Variants in MTHFS observed in about 807,000 individuals in gnomAD.
MTHFS encodes 5-formyltetrahydrofolate cyclo-ligase.
MTHFS carries 7 observed loss-of-function variants against 12.7 expected under a neutral mutation model. That is an observed-to-expected ratio of 0.55 (90% CI 0.31 to 1.03). The LOEUF (loss-of-function observed/expected upper bound fraction) is 1.03, where lower values mean the gene tolerates loss of function less well. MTHFS is among the 50% of genes least tolerant of loss of function. The pLI is 0.05. For synonymous variants in MTHFS, 100 were observed against 97.1 expected (o/e 1.03, Z -0.18); for missense variants, 252 against 258.1 (o/e 0.98, Z 0.16).
intron 2 of MTHFS, among the ~76,000 whole-genome samples, chr15:79,883,938 T>C (rs1015214885): frequency 2.0e-5 from 3 of 152,162 alleles, no homozygotes; most frequent in Non-Finnish European, 4.4e-5. Flanking sequence ...ACAAAATCAC[T>C]TTCACAGCAA....
Position 79,893,388 on chromosome 15 carries a change from C to T in MTHFS, c.117+3484G>A, listed in dbSNP as rs188699217. Among the ~76,000 whole-genome samples the T allele has an allele frequency of 1.6e-4, 25 of 151,656 alleles. 1 individual carries two copies. Among genetic ancestry groups the T allele is most frequent in the East Asian group, 5.8e-4 (3 of 5,152 alleles). On this transcript the variant is annotated intron_variant, in intron 1 of 2. Transcript: ENST00000258874. ...CTGCACTCCAGCCTGGGCAACAAAG[C>T]GATACTTTGTCTCAAAAAATGAAAA...
At chr15:79,896,507 A>G (rs946456474) in intron 1 of MTHFS, among the ~76,000 whole-genome samples, 3 of 152,022 alleles carry the variant, frequency 2.0e-5, no homozygotes, top group African/African-American at 7.3e-5. Flanking sequence ...CTCTACCACA[A>G]CTTTCTGTTC....
intron 2 of MTHFS, among the ~76,000 whole-genome samples, chr15:79,856,809 C>A (rs899991080): frequency 6.6e-6 from 1 of 151,962 alleles, no homozygotes; most frequent in Admixed American, 6.6e-5. Flanking sequence ...AGAAATTAGG[C>A]ATTTAGGGAA....
chr15:79,891,963 CAAAAAA>C (rs57309663), intron 1 of MTHFS, among the ~76,000 whole-genome samples: 56 of 84,262 alleles, frequency 6.6e-4, no homozygotes, highest in Admixed American at 2.2e-3. Flanking sequence ...AACTCCATCT[CAAAAAA>C]AAAAAAAAAA....
At chr15:79,845,887 A>C (rs1450659264) in intron 2 of MTHFS, among the ~76,000 whole-genome samples, 4 of 152,186 alleles carry the variant, frequency 2.6e-5, no homozygotes, top group Non-Finnish European at 4.4e-5. Flanking sequence ...GCAGAAAGAG[A>C]GTCCACTGTC....
chr15:79,858,086 A>T (rs2033844173), intron 2 of MTHFS, among the ~76,000 whole-genome samples: 1 of 152,036 alleles, frequency 6.6e-6, no homozygotes, highest in Admixed American at 6.6e-5. Context: ...AAAGAGCAGA[A>T]AAAAGTTTGA....
In MTHFS at chr15:79,845,399, T is replaced by G. The variant is rs143111680; in HGVS notation, c.423A>C (p.Lys141Asn). The change falls in exon 3 of 3, where the codon AAA becomes AAC. Residue 141 changes from lysine to asparagine, a missense_variant. Coordinates refer to ENST00000258874, the MANE Select transcript of MTHFS (RefSeq NM_006441.4). ...TGCCCCTCCCCAGTCGGTTGCCATG[T>G]TTGTCAAACCCAAGGCCTGGCATGA... Reference protein sequence around the residue: ...LIFMPGLGFDKHGNRLGRGKG... With the variant: ...LIFMPGLGFDNHGNRLGRGKG... 2 of 1,614,062 alleles carry G rather than the reference T, an allele frequency of 1.2e-6. No individual in the cohort carries two copies. The highest frequency in any genetic ancestry group is 1.7e-6 in the Non-Finnish European group (2 of 1,180,038).
At chr15:79,896,724 G>A in intron 1 of MTHFS, 148 bp downstream of exon 1, 3 of 909,960 alleles carry the variant, frequency 3.3e-6, no homozygotes, top group Non-Finnish European at 4.2e-6. Flanking sequence ...GGGCGTGCGC[G>A]CGCCGGGAGG....
chr15:79,897,028 T>A (rs780364728), upstream of MTHFS: 45 of 1,489,474 alleles, frequency 3.0e-5, no homozygotes, highest in Non-Finnish European at 3.9e-5. Flanking sequence ...CTCGGCGCCC[T>A]GGGCGCCCTC....
At chr15:79,883,509 G>C (rs779210320) in intron 2 of MTHFS, among the ~76,000 whole-genome samples, 3 of 152,092 alleles carry the variant, frequency 2.0e-5, no homozygotes, top group Non-Finnish European at 2.9e-5. Flanking sequence ...CTTCCAAAAA[G>C]AATTAATAAA....
intron 2 of MTHFS, among the ~76,000 whole-genome samples, chr15:79,860,381 T>A (rs1259913923): frequency 3.3e-5 from 5 of 149,964 alleles, no homozygotes; most frequent in Non-Finnish European, 5.9e-5. Flanking sequence ...AGAGCGAGAC[T>A]CCATCTCAAA....
In MTHFS at chr15:79,865,250, T is replaced by G. The variant is rs181038973; in HGVS notation, c.380-19808A>C. 1.1e-3 allele frequency among the ~76,000 whole-genome samples: 173 copies of G among 152,298 alleles called. 1 individual carries two copies. Among genetic ancestry groups the G allele is most frequent in the African/African-American group, 2.9e-3 (122 of 41,560 alleles). On this transcript the variant is annotated intron_variant, in intron 2 of 2. Coordinates refer to ENST00000258874, the MANE Select transcript of MTHFS (RefSeq NM_006441.4). ...ATTATTTAAATATAAGTCTTAAAAT[T>G]CAAGATAAAGACCTTAGCACAAATA...
At chr15:79,847,131 T>G (rs1209225860) in intron 2 of MTHFS, among the ~76,000 whole-genome samples, 1 of 152,204 alleles carries the variant, frequency 6.6e-6, no homozygotes, top group East Asian at 1.9e-4. Flanking sequence ...AAAACTCAAC[T>G]TGACCTGGAT....
Position 79,844,941 on chromosome 15 carries a change from T to C in MTHFS, c.*269A>G, listed in dbSNP as rs1325645959. ...TAAATATTTAACTTAAATTGCAAAGTAGACAGATCAACTTGTCACATTAAC... is the reference window on the plus strand; with the variant it reads ...TAAATATTTAACTTAAATTGCAAAGCAGACAGATCAACTTGTCACATTAAC... On this transcript the variant is annotated 3_prime_UTR_variant, in exon 3 of 3. Transcript: ENST00000258874. 8.3e-6 allele frequency: 4 copies of C among 480,116 alleles called. No homozygotes were observed. Among genetic ancestry groups the C allele is most frequent in the Non-Finnish European group, 1.5e-5 (4 of 272,470 alleles). The allele number at this position is 480,116 out of a possible 1,614,324, so 29.7% of individuals were successfully genotyped here.
chr15:79,876,932 AC>A (rs2034207873), intron 2 of MTHFS: 1 of 152,038 alleles, frequency 6.6e-6, no homozygotes, highest in Non-Finnish European at 1.5e-5. Flanking sequence ...AGTCCCAGCT[AC>A]TCAAGAGGCT....
chr15:79,850,087 T>C (rs1290097004), intron 2 of MTHFS, among the ~76,000 whole-genome samples: 1 of 152,242 alleles, frequency 6.6e-6, no homozygotes, highest in Non-Finnish European at 1.5e-5. Flanking sequence ...TTCTCATCCG[T>C]AAAATGGAGC....
At chr15:79,880,257 T>C (rs79218682) in intron 2 of MTHFS, among the ~76,000 whole-genome samples, 3,954 of 152,016 alleles carry the variant, frequency 0.026, 96 homozygotes, top group Middle Eastern at 0.061. Context: ...TTTTTTGTAT[T>C]TTTTAGTAAA....
intron 2 of MTHFS, among the ~76,000 whole-genome samples, chr15:79,859,026 C>A (rs2141348717): frequency 6.6e-6 from 1 of 152,262 alleles, no homozygotes; most frequent in East Asian, 1.9e-4. Flanking sequence ...AGGACCAGTG[C>A]AGTAACAACA....
At chr15:79,857,534 T>C (rs2033832075) in intron 2 of MTHFS, among the ~76,000 whole-genome samples, 1 of 152,236 alleles carries the variant, frequency 6.6e-6, no homozygotes, top group Non-Finnish European at 1.5e-5. Flanking sequence ...CCAGCTAATA[T>C]GAGCCTTGTG....
Sources: gnomAD v4.1 joint callset for allele counts (sites outside exome capture counted in the v4.1 genomes callset) on GRCh38, gnomAD v4.1.1 for gene constraint, MANE v1.5 for transcripts, NCBI Gene and HGNC (gene_info 2026-07-23, HGNC 2026-07-21) for gene names.